The following MESD variants were observed in gnomAD, a reference collection of about 807,000 sequenced individuals.
MESD encodes the protein mesoderm development LRP chaperone.
MESD carries 7 observed loss-of-function variants against 12.9 expected under a neutral mutation model. That is an observed-to-expected ratio of 0.54 (90% CI 0.31 to 1.02). The LOEUF (loss-of-function observed/expected upper bound fraction) is 1.02. MESD is among the 50% of genes least tolerant of loss of function. MESD has a pLI of 0.05. For synonymous variants in MESD, 126 were observed against 115.6 expected, an observed-to-expected ratio of 1.09 and a Z score of -0.58; for missense variants, 342 against 296.7, an observed-to-expected ratio of 1.15 and a Z score of -1.12.
intron 3 of MESD, among the ~76,000 whole-genome samples, chr15:80,967,208 C>T (rs1456847570): frequency 3.9e-5 from 6 of 152,114 alleles, no homozygotes; most frequent in African/African-American, 1.4e-4. Context: ...AGGAGAATCA[C>T]TTGAACCCGG....
intron 3 of MESD, among the ~76,000 whole-genome samples, chr15:80,964,138 T>A (rs1257723344): frequency 1.3e-5 from 2 of 152,188 alleles, no homozygotes. Flanking sequence ...AGTCTCAGTA[T>A]ACAAAATGAA....
At position 80,967,912 on chromosome 15, in the gene MESD, CA is replaced by C. The variant is rs1162102272; in HGVS notation, c.*288+11018del. ...CAAGCCCAGGTTTAAGCTGATTCAA[CA>C]AGATCTATGGAGAGTTGGCCAAGTG... On this transcript the variant is annotated intron_variant, in intron 3 of 4. Transcript: ENST00000561312. Among the ~76,000 whole-genome samples, 7 of 152,248 alleles carry C rather than the reference CA, an allele frequency of 4.6e-5. No individual in the cohort carries two copies. The East Asian group carries it at 1.3e-3, about 29-fold the overall frequency.
chr15:80,981,747 C>T (rs979137566), intron 2 of MESD, among the ~76,000 whole-genome samples: 6 of 151,628 alleles, frequency 4.0e-5, no homozygotes, highest in Admixed American at 6.6e-5. Flanking sequence ...TCCAGCTACT[C>T]GGGAGGCTGA....
chr15:80,948,935 C>T (rs559404970), intron 4 of MESD: 5 of 1,614,188 alleles, frequency 3.1e-6, no homozygotes, highest in South Asian at 2.2e-5. Flanking sequence ...GGACAGCTGC[C>T]GCCCGGTGCC....
In MESD at chr15:80,989,771, C is replaced by A; in HGVS notation, c.21G>T (p.Ala7=). MAASRW[A]RKAVVLLCAS... is the part of the protein sequence containing the mutation. ...CACAAAGCAGGACCACGGCCTTGCG[C>A]GCCCACCTGGAAGCCGCCATTTTCG... The change falls in exon 1 of 3, where the codon GCG becomes GCT. Residue 7 remains alanine (A), a synonymous_variant. Coordinates refer to ENST00000261758, the MANE Select transcript of MESD (RefSeq NM_015154.3). 1.3e-6 allele frequency: 2 copies of A among 1,591,090 alleles called. No individual in the cohort carries two copies. Among genetic ancestry groups the A allele is most frequent in the Non-Finnish European group, 1.7e-6 (2 of 1,175,392 alleles).
chr15:80,956,023 C>G (rs957757501), intron 3 of MESD, among the ~76,000 whole-genome samples: 2 of 151,870 alleles, frequency 1.3e-5, no homozygotes, highest in Admixed American at 6.6e-5. Flanking sequence ...AACCTCATCT[C>G]TACAAAAAAT....
chr15:80,946,970 T>C (rs1412629891), downstream of MESD: 10 of 1,611,122 alleles, frequency 6.2e-6, no homozygotes, highest in Non-Finnish European at 7.6e-6. Context: ...CACAGTTCCA[T>C]AGTGCTTATG....
At chr15:80,960,090 G>A (rs11855210) in intron 3 of MESD, among the ~76,000 whole-genome samples, 2,846 of 152,250 alleles carry the variant, frequency 0.019, 77 homozygotes, top group African/African-American at 0.065. Flanking sequence ...GAGTCCAGGC[G>A]TGGTGGCTCA....
At chr15:80,987,075 G>A (rs1307021993) in intron 1 of MESD, among the ~76,000 whole-genome samples, 1 of 152,108 alleles carries the variant, frequency 6.6e-6, no homozygotes, top group African/African-American at 2.4e-5. Context: ...ATTATACCTG[G>A]CTATCATAAT....
At chr15:80,957,834 G>A (rs183990476) in intron 3 of MESD, among the ~76,000 whole-genome samples, 2 of 152,246 alleles carry the variant, frequency 1.3e-5, no homozygotes, top group Admixed American at 1.3e-4. Context: ...CAGCCTTTTT[G>A]TTCTATTCAG....
downstream of MESD, among the ~76,000 whole-genome samples, chr15:80,974,594 C>T (rs1230090927): frequency 7.1e-6 from 1 of 140,732 alleles, no homozygotes; most frequent in African/African-American, 2.7e-5. Flanking sequence ...AAATGTGTAT[C>T]AGAGCTAAAA....
chr15:80,956,788 G>T (rs1056214470), intron 3 of MESD, among the ~76,000 whole-genome samples: 4 of 152,060 alleles, frequency 2.6e-5, no homozygotes, highest in Admixed American at 2.6e-4. Context: ...GCATGCAGAG[G>T]GGGTGGCTGT....
At chr15:80,983,960 G>A (rs1304202858) in intron 1 of MESD, among the ~76,000 whole-genome samples, 2 of 142,156 alleles carry the variant, frequency 1.4e-5, no homozygotes, top group African/African-American at 5.3e-5. Context: ...GAGTGCAGTG[G>A]CACGATCTCG....
At chr15:80,980,986 G>A (rs979895728) in intron 2 of MESD, among the ~76,000 whole-genome samples, 5 of 151,752 alleles carry the variant, frequency 3.3e-5, no homozygotes, top group South Asian at 2.1e-4. Context: ...ACCATGCCCC[G>A]CTAATTTTTC....
intron 1 of MESD, among the ~76,000 whole-genome samples, chr15:80,987,744 C>T (rs1376530526): frequency 6.6e-6 from 1 of 152,186 alleles, no homozygotes; most frequent in Non-Finnish European, 1.5e-5. Flanking sequence ...CCGCCTTTGC[C>T]TCCCAAAGTG....
chr15:80,975,376 G>A (rs1666470917), downstream of MESD, among the ~76,000 whole-genome samples: 1 of 152,012 alleles, frequency 6.6e-6, no homozygotes, highest in African/African-American at 2.4e-5. Flanking sequence ...GACAGCAAGA[G>A]ACCCTGTCTC....
intron 1 of MESD, among the ~76,000 whole-genome samples, chr15:80,988,581 C>T (rs1902798883): frequency 6.6e-6 from 1 of 152,170 alleles, no homozygotes; most frequent in Admixed American, 6.5e-5. Context: ...TGTTGATGAC[C>T]ACATGAAAAC....
chr15:80,977,816 CCT>C lies in MESD; in HGVS notation c.*1401_*1402del, dbSNP rs1902458458. 1 of 152,244 alleles carries C rather than the reference CCT, an allele frequency of 6.6e-6. No homozygotes were observed. The highest frequency in any genetic ancestry group is 1.5e-5 in the Non-Finnish European group (1 of 68,088). The allele number at this position is 152,244 out of a possible 1,614,324, so 9.4% of individuals were successfully genotyped here. A position where few individuals can be genotyped will look rare whatever the true frequency, so the allele number is the denominator to read the frequency against. On this transcript the variant is annotated 3_prime_UTR_variant, in exon 3 of 3. Coordinates refer to ENST00000261758, the MANE Select transcript of MESD (RefSeq NM_015154.3). ...CAAGATGCAGGAGGAACAAGAAAAGCCTCTTTCAGGGCCTAGTACCCTAGTAC... is the reference window on the plus strand; with the variant it reads ...CAAGATGCAGGAGGAACAAGAAAAGCCTTTCAGGGCCTAGTACCCTAGTAC...
chr15:80,974,598 G>T (rs1327825001), downstream of MESD, among the ~76,000 whole-genome samples: 1 of 135,462 alleles, frequency 7.4e-6, no homozygotes, highest in African/African-American at 2.9e-5. Flanking sequence ...GTGTATCAGA[G>T]CTAAAAAAAA....
Sources: allele counts gnomAD v4.1 joint callset (sites outside exome capture counted in the v4.1 genomes callset), GRCh38; gene constraint gnomAD v4.1.1; transcripts MANE v1.5; gene names NCBI Gene and HGNC (gene_info 2026-07-23, HGNC 2026-07-21).